The following SLC4A4 variants were observed in gnomAD, a reference collection of about 807,000 sequenced individuals.
SLC4A4 encodes solute carrier family 4 member 4.
A neutral mutation model predicts 111.5 loss-of-function variants in SLC4A4; 27 were observed. The ratio of observed to expected loss-of-function variants is 0.24; its 90% CI spans 0.18 to 0.33. The LOEUF (loss-of-function observed/expected upper bound fraction) is 0.33. Ranked by LOEUF, SLC4A4 falls within the 10% of genes least tolerant of loss-of-function variation. The pLI is 1.00. For synonymous variants in SLC4A4, 443 were observed against 463.4 expected, an observed-to-expected ratio of 0.96 and a Z score of 0.57; for missense variants, 909 against 1,315.5, an observed-to-expected ratio of 0.69 and a Z score of 4.78.
At chr4:71,331,466 C>T (rs1240574422) in intron 3 of SLC4A4, among the ~76,000 whole-genome samples, 1 of 151,326 alleles carries the variant, frequency 6.6e-6, no homozygotes, top group Admixed American at 6.6e-5. Context: ...TCATTCTCAG[C>T]AAACTGTTGC....
At chr4:71,243,994 T>C (rs1276407612) in intron 2 of SLC4A4, among the ~76,000 whole-genome samples, 1 of 152,120 alleles carries the variant, frequency 6.6e-6, no homozygotes, top group Admixed American at 6.6e-5. Context: ...CATTGGCCAG[T>C]ATATCAGCTT....
rs551218715 is a variant in SLC4A4, at chr4:71,217,517, C to T, written c.-1-19059C>T. 9.2e-4 allele frequency among the ~76,000 whole-genome samples: 140 copies of T among 152,190 alleles called. 2 individuals are homozygous for T. The highest frequency in any genetic ancestry group is 6.8e-3 in the Middle Eastern group (2 of 294). On this transcript the variant is annotated intron_variant, in intron 1 of 25. Transcript: ENST00000264485. Reference sequence around the variant, plus strand: ...GGTGGAGATTGTCATGAGCTGAGATCGTGTCACTGCACTCCAGCCTGGGTG... The same window carrying T: ...GGTGGAGATTGTCATGAGCTGAGATTGTGTCACTGCACTCCAGCCTGGGTG...
intron 20 of SLC4A4, 139 bp downstream of exon 20, chr4:71,547,859 A>G: frequency 1.3e-6 from 1 of 761,236 alleles, no homozygotes; most frequent in East Asian, 2.5e-5. Flanking sequence ...TCAAGTAGAA[A>G]GAGAGCTTTA....
At chr4:71,564,048 A>G (rs913041308) in intron 24 of SLC4A4, among the ~76,000 whole-genome samples, 159 bp downstream of exon 24, 3 of 151,850 alleles carry the variant, frequency 2.0e-5, no homozygotes, top group East Asian at 1.9e-4. Context: ...TTGTTTTTAC[A>G]TACCCTAAGC....
intron 7 of SLC4A4, among the ~76,000 whole-genome samples, chr4:71,410,363 G>A (rs141917501): frequency 2.0e-5 from 3 of 152,318 alleles, no homozygotes; most frequent in African/African-American, 7.2e-5. Flanking sequence ...AAGACCATGG[G>A]AAGCCACCTT....
In SLC4A4 at chr4:71,567,928, T is replaced by C; in HGVS notation, c.*177T>C. 1 of 1,176,244 alleles carries C rather than the reference T, an allele frequency of 8.5e-7. No individual in the cohort carries two copies. Among genetic ancestry groups the C allele is most frequent in the Non-Finnish European group, 1.2e-6 (1 of 820,700 alleles). The allele number at this position is 1,176,244 out of a possible 1,614,324, so 72.9% of individuals were successfully genotyped here. On this transcript the variant is annotated 3_prime_UTR_variant, in exon 26 of 26. Coordinates refer to ENST00000264485, the MANE Select transcript of SLC4A4 (RefSeq NM_001098484.3). Reference sequence around the variant, plus strand: ...CTTTCTTAAAACTGACATTTGTTGTTAATGTCATTTGTTTTTGTTTGGCTG... The same window carrying C: ...CTTTCTTAAAACTGACATTTGTTGTCAATGTCATTTGTTTTTGTTTGGCTG...
At chr4:71,081,315 T>G (rs373502546) in intron 1 of SLC4A4, among the ~76,000 whole-genome samples, 1 of 152,126 alleles carries the variant, frequency 6.6e-6, no homozygotes, top group African/African-American at 2.4e-5. Flanking sequence ...GAGCCTGGGC[T>G]TAGAGCTCAC....
At chr4:71,107,355 G>GT (rs780281960) in intron 2 of SLC4A4, among the ~76,000 whole-genome samples, 15 of 150,482 alleles carry the variant, frequency 1.0e-4, no homozygotes, top group Admixed American at 2.0e-4. Context: ...TTTGTTTTTG[G>GT]TGTTTTTTTG....
intron 1 of SLC4A4, among the ~76,000 whole-genome samples, chr4:71,081,221 C>T (rs921444367): frequency 2.0e-5 from 3 of 152,076 alleles, no homozygotes; most frequent in Admixed American, 2.0e-4. Context: ...ATCTTAGCTA[C>T]CCATTATGGT....
chr4:71,310,950 C>T (rs1726097472), intron 3 of SLC4A4, among the ~76,000 whole-genome samples: 1 of 152,250 alleles, frequency 6.6e-6, no homozygotes, highest in South Asian at 2.1e-4. Context: ...TGTGCAAAGA[C>T]ACACATACGC....
intron 4 of SLC4A4, among the ~76,000 whole-genome samples, chr4:71,341,696 A>G (rs770305073): frequency 3.3e-5 from 5 of 152,050 alleles, no homozygotes; most frequent in African/African-American, 4.8e-5. Flanking sequence ...ATTTATTTTT[A>G]TTTCCACAAT....
chr4:71,510,575 G>A (rs796587700), intron 16 of SLC4A4, among the ~76,000 whole-genome samples: 1 of 151,592 alleles, frequency 6.6e-6, no homozygotes, highest in Non-Finnish European at 1.5e-5. Context: ...TCTTTTGGTT[G>A]CATCCTTTCA....
At chr4:71,214,790 C>T (rs1185991120) in intron 1 of SLC4A4, among the ~76,000 whole-genome samples, 1 of 152,200 alleles carries the variant, frequency 6.6e-6, no homozygotes, top group Non-Finnish European at 1.5e-5. Flanking sequence ...GGGGCTTGGG[C>T]TCTGCCTGGC....
chr4:71,103,321 G>T (rs2148947474), intron 2 of SLC4A4, among the ~76,000 whole-genome samples: 1 of 152,190 alleles, frequency 6.6e-6, no homozygotes, highest in South Asian at 2.1e-4. Context: ...CATTAATAAT[G>T]GGAGACTTTA....
At chr4:71,175,541 T>C (rs189525180) in intron 2 of SLC4A4, among the ~76,000 whole-genome samples, 19 of 152,334 alleles carry the variant, frequency 1.2e-4, no homozygotes, top group African/African-American at 4.1e-4. Flanking sequence ...ATCCCGCGCG[T>C]GGCTTGGAGG....
intron 5 of SLC4A4, among the ~76,000 whole-genome samples, chr4:71,352,906 C>A (rs55719771): frequency 1.3e-5 from 2 of 152,140 alleles, no homozygotes; most frequent in Non-Finnish European, 2.9e-5. Context: ...TGGAACTGAT[C>A]AGCAAGGGTG....
intron 1 of SLC4A4, among the ~76,000 whole-genome samples, chr4:71,195,157 A>G (rs756431285): frequency 2.7e-5 from 4 of 148,612 alleles, no homozygotes; most frequent in Non-Finnish European, 5.9e-5. Context: ...AGAAACTTGG[A>G]TTTCTATATA....
intron 2 of SLC4A4, among the ~76,000 whole-genome samples, chr4:71,165,109 T>G (rs1240573378): frequency 2.5e-5 from 3 of 119,754 alleles, no homozygotes; most frequent in Non-Finnish European, 5.6e-5. Context: ...TTGGTGGGAG[T>G]GTAAATTAGT....
intron 2 of SLC4A4, among the ~76,000 whole-genome samples, chr4:71,252,168 A>T (rs374665895): frequency 6.6e-6 from 1 of 152,198 alleles, no homozygotes. Context: ...AACAGTAATG[A>T]TGCTTCTATT....
Sources: allele counts gnomAD v4.1 joint callset (sites outside exome capture counted in the v4.1 genomes callset), GRCh38; gene constraint gnomAD v4.1.1; transcripts MANE v1.5; gene names NCBI Gene and HGNC (gene_info 2026-07-23, HGNC 2026-07-21).